Variants in ABCA8 observed in about 807,000 individuals in gnomAD.
The protein encoded by ABCA8 is ATP binding cassette subfamily A member 8.
ABCA8 carries 177 observed loss-of-function variants against 192.3 expected under a neutral mutation model. That is an observed-to-expected ratio of 0.92 (90% CI 0.81 to 1.04). The LOEUF (loss-of-function observed/expected upper bound fraction) is 1.04. Ranked by LOEUF, ABCA8 falls within the 50% of genes least tolerant of loss-of-function variation. The pLI is 0.00. For missense variants in ABCA8, 1,915 were observed against 1,904.8 expected (o/e 1.01, Z -0.10); for synonymous variants, 642 against 690.2 (o/e 0.93, Z 1.09).
intron 19 of ABCA8, among the ~76,000 whole-genome samples, chr17:68,903,776 G>A (rs1177949875): frequency 6.6e-6 from 1 of 152,096 alleles, no homozygotes; most frequent in African/African-American, 2.4e-5. Flanking sequence ...GACATGGAAA[G>A]TCAGTAAAGG....
intron 21 of ABCA8, among the ~76,000 whole-genome samples, 168 bp downstream of exon 21, chr17:68,902,545 C>T (rs2066941409): frequency 6.6e-6 from 1 of 152,164 alleles, no homozygotes; most frequent in South Asian, 2.1e-4. Flanking sequence ...AAATACTTTA[C>T]CTATTCCTGC....
At chr17:68,947,775 G>A (rs1220767186) in intron 2 of ABCA8, among the ~76,000 whole-genome samples, 1 of 151,986 alleles carries the variant, frequency 6.6e-6, no homozygotes, top group African/African-American at 2.4e-5. Flanking sequence ...TGTGCAGAAT[G>A]TGCAGTTTTG....
chr17:68,919,008 A>G (rs1400656043), intron 14 of ABCA8, among the ~76,000 whole-genome samples: 1 of 151,758 alleles, frequency 6.6e-6, no homozygotes, highest in Non-Finnish European at 1.5e-5. Flanking sequence ...CACATTGACT[A>G]CTAAGTTGGT....
chr17:68,955,164 ACT>A (rs1003877315), intron 1 of ABCA8, 53 bp downstream of exon 1: 1 of 152,168 alleles, frequency 6.6e-6, no homozygotes, highest in East Asian at 1.9e-4. Flanking sequence ...TCTGAAACAA[ACT>A]CACACACAAA....
chr17:68,908,139 C>T (rs1037176144), intron 17 of ABCA8, among the ~76,000 whole-genome samples: 2 of 151,940 alleles, frequency 1.3e-5, no homozygotes, highest in African/African-American at 2.4e-5. Context: ...GGAGTAGTGC[C>T]CAGAGAAGTT....
chr17:68,924,938 T>C, intron 10 of ABCA8, 69 bp from the exon 11 acceptor site: 2 of 1,516,246 alleles, frequency 1.3e-6, no homozygotes, highest in South Asian at 1.2e-5. Flanking sequence ...CACAGTAATG[T>C]AGCACGGCAA....
chr17:68,955,062 AT>A (rs1286781484), intron 1 of ABCA8, among the ~76,000 whole-genome samples, 156 bp downstream of exon 1: 3 of 152,148 alleles, frequency 2.0e-5, no homozygotes, highest in Non-Finnish European at 2.9e-5. Flanking sequence ...GTAGCCCAAT[AT>A]TTTTCAAAAT....
rs140491819 is a variant in ABCA8 at position 68,898,812 on chromosome 17, C to T, written c.2765-3799G>A. ...GGTAAATAAAAATTTCAATGAGCTA[C>T]AGACTCTTTCCTCTGATATAGCTGT... On this transcript the variant is annotated intron_variant, in intron 21 of 39. Coordinates refer to ENST00000586539, the MANE Select transcript of ABCA8 (RefSeq NM_001288985.2). 2.8e-3 allele frequency among the ~76,000 whole-genome samples: 420 copies of T among 152,124 alleles called. 4 individuals are homozygous for T. Among genetic ancestry groups the T allele is most frequent in the African/African-American group, 9.8e-3 (408 of 41,546 alleles).
At position 68,932,468 on chromosome 17, in the gene ABCA8, C is replaced by G. The variant is rs1037605600; in HGVS notation, c.617G>C (p.Gly206Ala). 9 of 1,613,822 alleles carry G rather than the reference C, an allele frequency of 5.6e-6. No individual in the cohort carries two copies. Among genetic ancestry groups the G allele is most frequent in the Non-Finnish European group, 7.6e-6 (9 of 1,179,830 alleles). The part of the protein sequence containing the change: ...SVMEELMSVT[G>A]KNMKMHSFIG... ...GAAGGAATGCATCTTCATATTTTTT[C>G]CAGTAACTGACATCAGCTCCTCCAT... The change falls in exon 7 of 40, where the codon GGA becomes GCA. Residue 206 changes from glycine to alanine, a missense_variant. By Grantham distance (60) the Gly-to-Ala change is moderately conservative (BLOSUM62 0). Coordinates refer to ENST00000586539, the MANE Select transcript of ABCA8 (RefSeq NM_001288985.2).
At chr17:68,917,225 G>T in intron 17 of ABCA8, 136 bp downstream of exon 17, 1 of 541,842 alleles carries the variant, frequency 1.8e-6, no homozygotes, top group Non-Finnish European at 3.2e-6. Context: ...GAGCCGAGAT[G>T]ATCGATACTC....
intron 7 of ABCA8, chr17:68,931,689 G>GAT (rs2067881512): frequency 6.8e-6 from 1 of 147,002 alleles, no homozygotes; most frequent in Non-Finnish European, 1.5e-5. Context: ...TTGGGTCAGA[G>GAT]ATTGTTAAAT....
At chr17:68,927,890 A>G in intron 10 of ABCA8, 26 bp downstream of exon 10, 5 of 1,490,462 alleles carry the variant, frequency 3.4e-6, no homozygotes, top group African/African-American at 2.8e-5. Flanking sequence ...TAAATGATAT[A>G]TGATTTTAAT....
At chr17:68,897,768 A>G (rs1298673052) in intron 21 of ABCA8, among the ~76,000 whole-genome samples, 1 of 152,188 alleles carries the variant, frequency 6.6e-6, no homozygotes, top group Non-Finnish European at 1.5e-5. Flanking sequence ...CAGCAGAAAG[A>G]ATTAGCAGAC....
At position 68,887,086 on chromosome 17, in the gene ABCA8, T is replaced by C; in HGVS notation, c.3360A>G (p.Thr1120=). 1.2e-6 allele frequency: 2 copies of C among 1,612,804 alleles called. No individual in the cohort carries two copies. The highest frequency in any genetic ancestry group is 1.7e-6 in the Non-Finnish European group (2 of 1,179,470). ...TGCGAAAGATGAAGGAAATCACGTA[T>C]GTCATGAAGATGAGGGAAAAGGAAT... ...VGYSFSLIFM[T]YVISFIFRKG... is the part of the protein sequence containing the mutation. Residue 1120 remains threonine, a synonymous_variant, in exon 26 of 40, where the codon ACA becomes ACG. Coordinates refer to ENST00000586539, the MANE Select transcript of ABCA8 (RefSeq NM_001288985.2).
At chr17:68,921,614 T>C (rs1273268429) in intron 12 of ABCA8, 122 bp from the exon 13 acceptor site, 5 of 523,880 alleles carry the variant, frequency 9.5e-6, no homozygotes, top group East Asian at 9.0e-5. Flanking sequence ...ATGGTTGTCT[T>C]TTCTATATAT....
At chr17:68,870,029 C>G (rs1936867561) in intron 37 of ABCA8, among the ~76,000 whole-genome samples, 1 of 152,156 alleles carries the variant, frequency 6.6e-6, no homozygotes, top group South Asian at 2.1e-4. Context: ...ACTGCTCTGT[C>G]ATCTGGCCAA....
intron 24 of ABCA8, among the ~76,000 whole-genome samples, chr17:68,887,906 A>ATATATG (rs370830810): frequency 0.022 from 1,345 of 60,862 alleles, 75 homozygotes; most frequent in African/African-American, 0.12. Flanking sequence ...ATATATATAT[A>ATATATG]TCCATATATA....
intron 18 of ABCA8, 103 bp downstream of exon 18, chr17:68,907,637 A>G: frequency 3.9e-6 from 4 of 1,038,018 alleles, no homozygotes; most frequent in Non-Finnish European, 5.3e-6. Context: ...TCAGTACCTG[A>G]GCATACTGTA....
intron 11 of ABCA8, among the ~76,000 whole-genome samples, chr17:68,924,127 A>G (rs6501870): frequency 0.5 from 76,313 of 151,970 alleles, 20,009 homozygotes; most frequent in Non-Finnish European, 0.59. Context: ...TTGTGAGGCC[A>G]AGTGAAGTTG....
Sources: allele counts gnomAD v4.1 joint callset (sites outside exome capture counted in the v4.1 genomes callset), GRCh38; gene constraint gnomAD v4.1.1; transcripts MANE v1.5; gene names NCBI Gene and HGNC (gene_info 2026-07-23, HGNC 2026-07-21).